GTPBP1: variants seen among roughly 807,000 people sequenced by gnomAD.
GTPBP1 encodes GTP-binding protein 1.
A neutral mutation model predicts 62.0 loss-of-function variants in GTPBP1; 23 were observed. The ratio of observed to expected loss-of-function variants is 0.37; its 90% confidence interval spans 0.27 to 0.53. The LOEUF (loss-of-function observed/expected upper bound fraction) is 0.53, where lower values mean the gene tolerates loss of function less well. GTPBP1 is among the 20% of genes least tolerant of loss of function. The probability of loss-of-function intolerance (pLI) is 0.89; values close to 1 mark genes in which losing one functional copy is unlikely to be tolerated. For missense variants in GTPBP1, 640 were observed against 917.3 expected, an observed-to-expected ratio of 0.70 and a Z score of 3.90; for synonymous variants, 344 against 364.4, an observed-to-expected ratio of 0.94 and a Z score of 0.64.
chr22:38,740,815 T>A (rs2092850425), downstream of GTPBP1: 1 of 637,812 alleles, frequency 1.6e-6, no homozygotes, highest in African/African-American at 1.8e-5. The surrounding 1 kb of genome is among the most constrained non-coding windows in gnomAD (Gnocchi z 4.8). Context: ...AGGACCCCCC[T>A]GCTAACCTCC....
rs991801122 is a variant in GTPBP1 at position 38,716,358 on chromosome 22, T to C, written c.485+271T>C. 2.2e-5 allele frequency: 13 copies of C among 584,562 alleles called. No homozygotes were observed. The Admixed American group carries it at 3.1e-4, about 14-fold the overall frequency. The allele number at this position is 584,562 out of a possible 1,614,324, so 36.2% of individuals were successfully genotyped here. On this transcript the variant is annotated intron_variant, in intron 3 of 11. Coordinates refer to ENST00000216044, the MANE Select transcript of GTPBP1 (RefSeq NM_004286.5). The surrounding 1 kb of genome is among the most constrained non-coding windows in gnomAD (Gnocchi z 5.2). ...CCTGTGAGCCTGGAAACCAGGGTCA[T>C]GGAGAAGAGCCTTTTGTGCCTCTGG...
chr22:38,725,728 G>T, intron 6 of GTPBP1: 1 of 430,114 alleles, frequency 2.3e-6, no homozygotes, highest in Non-Finnish European at 4.2e-6. Flanking sequence ...GCAGTCATGA[G>T]GTTCCAAACT....
chr22:38,713,908 G>T (rs2145849155), intron 2 of GTPBP1, among the ~76,000 whole-genome samples: 1 of 152,330 alleles, frequency 6.6e-6, no homozygotes, highest in South Asian at 2.1e-4. Context: ...TGTTAGAAAT[G>T]AGTGTTTTTA....
Position 38,726,064 on chromosome 22 carries a change from A to G in GTPBP1, c.1132A>G (p.Met378Val), listed in dbSNP as rs756956830. The G allele has an allele frequency of 1.2e-6, 2 of 1,613,984 alleles. No homozygotes were observed. Among genetic ancestry groups the G allele is most frequent in the South Asian group, 2.2e-5 (2 of 91,076 alleles). ...AGGCGAGAACCTAGATCTGCTGAAGATGTTCCTCAACCTCCTCTCCCCCCG... is the reference window on the plus strand; with the variant it reads ...AGGCGAGAACCTAGATCTGCTGAAGGTGTTCCTCAACCTCCTCTCCCCCCG... ...VTGENLDLLK[M>V]FLNLLSPRTS... The change falls in exon 7 of 12, where the codon ATG becomes GTG. Residue 378 changes from methionine to valine, a missense_variant. Met to Val is a conservative substitution (Grantham distance 21, BLOSUM62 1). This residue lies in a region of GTPBP1 where 220 missense variants were observed against 358.1 expected (regional missense o/e 0.61). Transcript: ENST00000216044. The surrounding 1 kb of genome is among the most constrained non-coding windows in gnomAD (Gnocchi z 4.1).
downstream of GTPBP1, among the ~76,000 whole-genome samples, chr22:38,737,292 C>G (rs1411116694): frequency 6.6e-6 from 1 of 152,112 alleles, no homozygotes; most frequent in East Asian, 1.9e-4. The surrounding 1 kb of genome is among the most constrained non-coding windows in gnomAD (Gnocchi z 4.1). Flanking sequence ...GACCTGCCCC[C>G]TGCTCCACAT....
At chr22:38,740,105 A>G (rs1163516958), downstream of GTPBP1, among the ~76,000 whole-genome samples, 2 of 152,234 alleles carry the variant, frequency 1.3e-5, no homozygotes, top group Non-Finnish European at 1.5e-5. This position sits in a 1 kb window ranked among gnomAD's most constrained non-coding sequence, Gnocchi z 4.8. Context: ...AAACAGGAAG[A>G]ACGCCTGTCA....
intron 4 of GTPBP1, among the ~76,000 whole-genome samples, chr22:38,719,894 C>G (rs1158702455): frequency 2.0e-5 from 3 of 151,360 alleles, no homozygotes; most frequent in Admixed American, 2.0e-4. Flanking sequence ...AATCAGTCAC[C>G]AGTTATCCCC....
At chr22:38,742,157 A>G (rs2092863597), downstream of GTPBP1, 2 of 1,129,492 alleles carry the variant, frequency 1.8e-6, no homozygotes, top group Admixed American at 3.0e-5. Context: ...AGAAAAAAAA[A>G]AAAGAAAAAA....
downstream of GTPBP1, chr22:38,740,297 C>T (rs985201459): frequency 6.2e-7 from 1 of 1,602,698 alleles, no homozygotes; most frequent in Admixed American, 1.7e-5. The surrounding 1 kb of genome is among the most constrained non-coding windows in gnomAD (Gnocchi z 4.8). Flanking sequence ...TCTGCTGGGG[C>T]AGCAGGCCCA....
At chr22:38,739,164 C>G, downstream of GTPBP1, 2 of 895,746 alleles carry the variant, frequency 2.2e-6, no homozygotes, top group Non-Finnish European at 3.5e-6. This position sits in a 1 kb window ranked among gnomAD's most constrained non-coding sequence, Gnocchi z 6.7. Flanking sequence ...CAGGATGGTA[C>G]TCGGTACGTC....
chr22:38,739,808 C>T (rs2092838622), downstream of GTPBP1: 1 of 1,613,560 alleles, frequency 6.2e-7, no homozygotes, highest in African/African-American at 1.3e-5. This position sits in a 1 kb window ranked among gnomAD's most constrained non-coding sequence, Gnocchi z 6.7. Context: ...CCCTGCATCT[C>T]TGCCACATGG....
intron 6 of GTPBP1, chr22:38,725,150 A>C (rs1243222839): frequency 6.6e-6 from 1 of 152,268 alleles, no homozygotes; most frequent in African/African-American, 2.4e-5. Flanking sequence ...GTTAGCCTGC[A>C]GAGGGGGCAC....
At chr22:38,710,280 C>G (rs573008394) in intron 2 of GTPBP1, among the ~76,000 whole-genome samples, 28 of 152,280 alleles carry the variant, frequency 1.8e-4, no homozygotes, top group African/African-American at 5.8e-4. Context: ...GCCACTGTTG[C>G]AAAGCTCTTT....
chr22:38,722,691 C>T, intron 5 of GTPBP1: 1 of 1,589,302 alleles, frequency 6.3e-7, no homozygotes, highest in Non-Finnish European at 8.6e-7. Flanking sequence ...AAGCAGGCTT[C>T]AACTGTGTTT....
At chr22:38,714,002 A>T (rs577985125) in intron 2 of GTPBP1, among the ~76,000 whole-genome samples, 2 of 152,282 alleles carry the variant, frequency 1.3e-5, no homozygotes, top group South Asian at 4.1e-4. Flanking sequence ...CCACTGACAG[A>T]CTACTGGAAA....
chr22:38,711,331 C>G (rs1004663736), intron 2 of GTPBP1, among the ~76,000 whole-genome samples: 1 of 152,162 alleles, frequency 6.6e-6, no homozygotes, highest in Non-Finnish European at 1.5e-5. Flanking sequence ...CTGGCCTAAT[C>G]TATAGGATCT....
intron 2 of GTPBP1, among the ~76,000 whole-genome samples, chr22:38,714,969 C>G (rs1444967885): frequency 2.6e-5 from 4 of 152,196 alleles, no homozygotes; most frequent in African/African-American, 9.7e-5. Flanking sequence ...TTGTCCTGAG[C>G]TCAAACTCAT....
Position 38,728,047 on chromosome 22 carries a change from T to G in GTPBP1, c.1602T>G (p.Thr534=), listed in dbSNP as rs894990293. ...GCATGGACAAGGACTGTCTGCGCACTGGGGACAAGGCCACTGTACACTTCC... is the reference window on the plus strand; with the variant it reads ...GCATGGACAAGGACTGTCTGCGCACGGGGGACAAGGCCACTGTACACTTCC... ...ILSMDKDCLR[T]GDKATVHFRF... The change falls in exon 10 of 12, where the codon ACT becomes ACG. Residue 534 remains threonine, a synonymous_variant. Coordinates refer to ENST00000216044, the MANE Select transcript of GTPBP1 (RefSeq NM_004286.5). The G allele has an allele frequency of 1.2e-6, 2 of 1,612,936 alleles. No homozygotes were observed. The highest frequency in any genetic ancestry group is 2.7e-5 in the African/African-American group (2 of 74,878).
chr22:38,742,228 T>C (rs2092864473), downstream of GTPBP1: 6 of 1,504,716 alleles, frequency 4.0e-6, no homozygotes, highest in Non-Finnish European at 5.3e-6. Context: ...ACTTGTTCTC[T>C]CTGCTGCTGG....
Sources: allele counts gnomAD v4.1 joint callset (sites outside exome capture counted in the v4.1 genomes callset), GRCh38; gene constraint gnomAD v4.1.1; regional missense constraint gnomAD v4.1.1; non-coding constraint Gnocchi (gnomAD v3.1); transcripts MANE v1.5; gene names NCBI Gene and HGNC (gene_info 2026-07-23, HGNC 2026-07-21).